ZNF385D: variants seen among roughly 807,000 people sequenced by gnomAD.
ZNF385D encodes the protein zinc finger protein 659.
Under a neutral mutation model 35.8 loss-of-function variants are expected in ZNF385D, and 15 were observed. The observed-to-expected ratio is 0.42, with a 90% confidence interval of 0.28 to 0.64. ZNF385D has a LOEUF of 0.64. Among genes scored for constraint, ZNF385D ranks in the 30% least tolerant of loss-of-function variants. The pLI, the probability that ZNF385D is intolerant of heterozygous loss-of-function variation, is 0.23. For missense variants in ZNF385D, 474 were observed against 494.6 expected (o/e 0.96, Z 0.39); for synonymous variants, 212 against 186.8 (o/e 1.13, Z -1.10).
intron 3 of ZNF385D, among the ~76,000 whole-genome samples, chr3:22,101,584 G>T (rs553016720): frequency 2.0e-5 from 3 of 152,124 alleles, no homozygotes; most frequent in African/African-American, 7.2e-5. Flanking sequence ...TTTATACTGT[G>T]CTAAGACTTG....
At chr3:22,050,193 G>A (rs1318114387) in intron 3 of ZNF385D, among the ~76,000 whole-genome samples, 2 of 150,704 alleles carry the variant, frequency 1.3e-5, no homozygotes, top group Admixed American at 6.6e-5. Flanking sequence ...AAGGAAGATT[G>A]GGTTTAAAAA....
chr3:21,892,091 T>C (rs184125695), intron 3 of ZNF385D, among the ~76,000 whole-genome samples: 23 of 152,334 alleles, frequency 1.5e-4, no homozygotes, highest in Non-Finnish European at 2.5e-4. Context: ...CTTCAAAAAT[T>C]AACTCCCAAT....
At chr3:21,912,873 C>G (rs1460982512) in intron 3 of ZNF385D, among the ~76,000 whole-genome samples, 8 of 152,016 alleles carry the variant, frequency 5.3e-5, no homozygotes, top group Admixed American at 2.6e-4. Flanking sequence ...GGCTGTCTCC[C>G]AAGAGCATAC....
chr3:22,192,544 C>A (rs1696129826), intron 2 of ZNF385D, among the ~76,000 whole-genome samples: 1 of 152,180 alleles, frequency 6.6e-6, no homozygotes, highest in Non-Finnish European at 1.5e-5. Context: ...GGGAAACCAG[C>A]TGCCATGTTG....
intron 3 of ZNF385D, among the ~76,000 whole-genome samples, chr3:22,092,288 G>A (rs1436295690): frequency 6.6e-6 from 1 of 152,130 alleles, no homozygotes; most frequent in African/African-American, 2.4e-5. Flanking sequence ...AAGGATGAAT[G>A]GGTTTCTCTC....
At chr3:21,973,701 T>C (rs1703414180) in intron 3 of ZNF385D, among the ~76,000 whole-genome samples, 1 of 152,030 alleles carries the variant, frequency 6.6e-6, no homozygotes. Context: ...AGAAAACCAC[T>C]AGAACTGATA....
intron 1 of ZNF385D, among the ~76,000 whole-genome samples, chr3:21,711,528 T>G (rs2068108592): frequency 6.6e-6 from 1 of 152,176 alleles, no homozygotes; most frequent in South Asian, 2.1e-4. Context: ...CTGTTAAAAG[T>G]AATCCAGTTC....
intron 3 of ZNF385D, among the ~76,000 whole-genome samples, chr3:21,808,722 A>T (rs949447791): frequency 2.0e-5 from 3 of 152,198 alleles, no homozygotes; most frequent in Non-Finnish European, 4.4e-5. Context: ...AGTGATCTGA[A>T]TGAAGAAATG....
chr3:21,413,167 A>G lies in ZNF385D; in HGVS notation c.*8047T>C, dbSNP rs1003896401. On this transcript the variant is annotated 3_prime_UTR_variant, in exon 8 of 8. Transcript: ENST00000281523. The stretch of plus-strand genomic sequence containing the variant: ...ATAATATAAAACACAATAAAATCCT[A>G]TCTCACGTTTCCAAGCCCACCTGGG... 1 of 152,092 alleles carries G rather than the reference A, an allele frequency of 6.6e-6. No homozygotes were observed. The highest frequency in any genetic ancestry group is 1.5e-5 in the Non-Finnish European group (1 of 67,982). The allele number at this position is 152,092 out of a possible 1,614,324, so 9.4% of individuals were successfully genotyped here.
Position 22,077,485 on chromosome 3 carries a change from C to A in ZNF385D, c.325+91332G>T, listed in dbSNP as rs140501368. Reference sequence around the variant, plus strand: ...CCAGTTCAGGCACAACTAAAATAGGCAAGATTTCTTATCAATAGATTATTC... The same window carrying A: ...CCAGTTCAGGCACAACTAAAATAGGAAAGATTTCTTATCAATAGATTATTC... On this transcript the variant is annotated intron_variant, in intron 3 of 5. Transcript: ENST00000494108. 8.6e-3 allele frequency among the ~76,000 whole-genome samples: 1,305 copies of A among 152,030 alleles called. 16 individuals are homozygous for A. Among genetic ancestry groups the A allele is most frequent in the African/African-American group, 0.03 (1,238 of 41,528 alleles).
At chr3:21,964,595 T>C (rs1038720787) in intron 3 of ZNF385D, among the ~76,000 whole-genome samples, 5 of 147,026 alleles carry the variant, frequency 3.4e-5, no homozygotes, top group African/African-American at 5.0e-5. Flanking sequence ...GTTCAAGCGA[T>C]TCTCCTGCCT....
chr3:22,336,833 G>A (rs1228061522), intron 2 of ZNF385D, among the ~76,000 whole-genome samples: 5 of 133,876 alleles, frequency 3.7e-5, no homozygotes, highest in Non-Finnish European at 7.8e-5. Context: ...AATGCCACCT[G>A]TGCTTTAAAT....
At chr3:22,197,280 C>T (rs1696483169) in intron 2 of ZNF385D, among the ~76,000 whole-genome samples, 1 of 151,958 alleles carries the variant, frequency 6.6e-6, no homozygotes, top group Non-Finnish European at 1.5e-5. Context: ...TTATTCTAGG[C>T]TCCTTCTCCT....
rs191190944 is a variant in ZNF385D at position 22,154,795 on chromosome 3, G to C, written c.325+14022C>G. ...GAGTAAGTAATGCAGGAATACTTCA[G>C]ATAACTTTATTCTGTTTTAAATTTT... On this transcript the variant is annotated intron_variant, in intron 3 of 5. Transcript: ENST00000494108. Among the ~76,000 whole-genome samples, 377 of 152,240 alleles carry C rather than the reference G, an allele frequency of 2.5e-3. 3 individuals are homozygous for C. Among genetic ancestry groups the C allele is most frequent in the Non-Finnish European group, 3.5e-3 (241 of 68,004 alleles).
chr3:21,935,966 C>A (rs768478148), intron 3 of ZNF385D, among the ~76,000 whole-genome samples: 9 of 152,008 alleles, frequency 5.9e-5, no homozygotes, highest in African/African-American at 1.7e-4. Context: ...CTAAGTGCAA[C>A]AGAATAGGGG....
At chr3:22,059,128 C>A (rs931241348) in intron 3 of ZNF385D, among the ~76,000 whole-genome samples, 11 of 152,136 alleles carry the variant, frequency 7.2e-5, no homozygotes. Context: ...CAAGAATTAA[C>A]CTATCAGGAG....
intron 3 of ZNF385D, among the ~76,000 whole-genome samples, chr3:21,796,677 C>A (rs73142836): frequency 1.3e-5 from 2 of 152,130 alleles, no homozygotes; most frequent in African/African-American, 2.4e-5. Context: ...GAAGGTAACA[C>A]AGGAACACAT....
At chr3:22,089,611 A>C (rs1216146635) in intron 3 of ZNF385D, among the ~76,000 whole-genome samples, 1 of 152,118 alleles carries the variant, frequency 6.6e-6, no homozygotes, top group East Asian at 1.9e-4. Flanking sequence ...TTTGCTATTC[A>C]GTGAGCCATG....
intron 2 of ZNF385D, among the ~76,000 whole-genome samples, chr3:21,613,702 AGAGT>A (rs2125795176): frequency 6.6e-6 from 1 of 152,346 alleles, no homozygotes; most frequent in Non-Finnish European, 1.5e-5. Flanking sequence ...AGTCTAGGAC[AGAGT>A]GAGAATATTG....
Sources: gnomAD v4.1 joint callset for allele counts (sites outside exome capture counted in the v4.1 genomes callset) on GRCh38, gnomAD v4.1.1 for gene constraint, MANE v1.5 for transcripts, NCBI Gene and HGNC (gene_info 2026-07-23, HGNC 2026-07-21) for gene names.